The following ABLIM3 variants were observed in gnomAD, a reference collection of about 807,000 sequenced individuals.
ABLIM3 encodes the protein actin-binding LIM protein 3.
A neutral mutation model predicts 109.5 loss-of-function variants in ABLIM3; 61 were observed. The observed-to-expected ratio is 0.56, with a 90% confidence interval of 0.45 to 0.69. ABLIM3 has a LOEUF of 0.69. ABLIM3 is among the 30% of genes least tolerant of loss of function. The pLI is 0.00. For missense variants in ABLIM3, 796 were observed against 889.5 expected, an observed-to-expected ratio of 0.89 and a Z score of 1.34; for synonymous variants, 300 against 324.8, an observed-to-expected ratio of 0.92 and a Z score of 0.82.
chr5:149,234,914 T>C (rs1477798489), intron 10 of ABLIM3, among the ~76,000 whole-genome samples: 14 of 152,194 alleles, frequency 9.2e-5, no homozygotes, highest in Admixed American at 8.5e-4. Flanking sequence ...TTGTAAACCT[T>C]TGTGAAATAA....
chr5:149,202,340 G>A (rs1581118972), intron 5 of ABLIM3, among the ~76,000 whole-genome samples: 2 of 152,358 alleles, frequency 1.3e-5, no homozygotes, highest in Middle Eastern at 6.8e-3. Flanking sequence ...CACATGGACA[G>A]TTTCCAGTGG....
intron 8 of ABLIM3, among the ~76,000 whole-genome samples, chr5:149,229,842 A>C (rs1279092958): frequency 6.6e-6 from 1 of 152,216 alleles, no homozygotes; most frequent in Non-Finnish European, 1.5e-5. Context: ...GCCTTTCCAA[A>C]TTGGCCTTTC....
At position 149,259,018 on chromosome 5, in the gene ABLIM3, C is replaced by A. The variant is rs1045157640; in HGVS notation, c.*614C>A. 3 of 999,822 alleles carry A rather than the reference C, an allele frequency of 3.0e-6. No individual in the cohort carries two copies. The highest frequency in any genetic ancestry group is 2.1e-4 in the East Asian group (2 of 9,510). 61.9% of individuals were successfully genotyped at this position (999,822 alleles called of 1,614,324 possible). ...GGCCTCTCCTCAGCTCCTTAACCCT[C>A]CTCCTTCTGCCCTGGATTGTAACCT... On this transcript the variant is annotated 3_prime_UTR_variant, in exon 24 of 24. Transcript: ENST00000309868.
At chr5:149,185,159 G>A (rs76211759) in intron 3 of ABLIM3, among the ~76,000 whole-genome samples, 12 of 152,210 alleles carry the variant, frequency 7.9e-5, no homozygotes, top group Middle Eastern at 3.4e-3. Context: ...TAAACCAATC[G>A]TTTATTTAGT....
At position 149,214,853 on chromosome 5, in the gene ABLIM3, AT is replaced by A. The variant is rs570794340; in HGVS notation, c.670-2101del. Among the ~76,000 whole-genome samples, 3 of 152,182 alleles carry A rather than the reference AT, an allele frequency of 2.0e-5. No homozygotes were observed. The South Asian group carries it at 6.2e-4, about 32-fold the overall frequency. On this transcript the variant is annotated intron_variant, in intron 7 of 23. Coordinates refer to ENST00000309868, the MANE Select transcript of ABLIM3 (RefSeq NM_014945.5). ...CACAACCTGGTTTGCTTGTTGCTAC[AT>A]TTTTGAACCTGGTTTGCTGTTTTCG...
At chr5:149,251,213 G>T in intron 20 of ABLIM3, 146 bp from the exon 21 acceptor site, 1 of 770,504 alleles carries the variant, frequency 1.3e-6, no homozygotes, top group Non-Finnish European at 2.2e-6. Context: ...ATAGCAGCGA[G>T]TTAAGTTTCC....
intron 13 of ABLIM3, among the ~76,000 whole-genome samples, chr5:149,240,306 G>A (rs556033459): frequency 2.2e-4 from 34 of 152,326 alleles, no homozygotes; most frequent in African/African-American, 7.5e-4. Context: ...CAGGTTGGGG[G>A]TGATGCCAGC....
intron 2 of ABLIM3, among the ~76,000 whole-genome samples, chr5:149,146,961 T>C (rs1752988504): frequency 6.6e-6 from 1 of 152,194 alleles, no homozygotes; most frequent in Admixed American, 6.5e-5. Flanking sequence ...GAATGTTTTT[T>C]CATTTGTTTG....
At chr5:149,232,956 G>A (rs1761999909) in intron 9 of ABLIM3, among the ~76,000 whole-genome samples, 1 of 152,138 alleles carries the variant, frequency 6.6e-6, no homozygotes, top group Non-Finnish European at 1.5e-5. Flanking sequence ...AAAATGAAAA[G>A]TTTTATGAGT....
intron 3 of ABLIM3, among the ~76,000 whole-genome samples, chr5:149,186,035 A>G (rs911369878): frequency 5.9e-5 from 9 of 152,246 alleles, no homozygotes; most frequent in African/African-American, 2.2e-4. Context: ...TTCCCCTGAA[A>G]AAAATATTCT....
chr5:149,259,203 C>T lies in ABLIM3; in HGVS notation c.*799C>T. 9.0e-7 allele frequency: 1 copy of T among 1,116,388 alleles called. No homozygotes were observed. The highest frequency in any genetic ancestry group is 1.6e-5 in the African/African-American group (1 of 61,392). 69.2% of individuals were successfully genotyped at this position (1,116,388 alleles called of 1,614,324 possible). ...GATGGAGCAGGGCACCTGTTAGAAT[C>T]AGAGCTGCAGGATTTCTTGGGACCC... On this transcript the variant is annotated 3_prime_UTR_variant, in exon 24 of 24. Coordinates refer to ENST00000309868, the MANE Select transcript of ABLIM3 (RefSeq NM_014945.5).
chr5:149,245,062 C>T, intron 16 of ABLIM3, 47 bp downstream of exon 16: 1 of 1,612,508 alleles, frequency 6.2e-7, no homozygotes, highest in Non-Finnish European at 8.5e-7. Flanking sequence ...ACACCTGTGC[C>T]AAGGACACGG....
At chr5:149,236,482 C>G (rs1752205384) in intron 10 of ABLIM3, among the ~76,000 whole-genome samples, 1 of 152,020 alleles carries the variant, frequency 6.6e-6, no homozygotes, top group African/African-American at 2.4e-5. Flanking sequence ...TCATAGCAAA[C>G]ACCAGGTCAC....
At chr5:149,215,432 C>A (rs78744185) in intron 7 of ABLIM3, among the ~76,000 whole-genome samples, 1 of 151,700 alleles carries the variant, frequency 6.6e-6, no homozygotes, top group Admixed American at 6.6e-5. Flanking sequence ...TAAAAATCTG[C>A]CTTTCCCACA....
intron 2 of ABLIM3, among the ~76,000 whole-genome samples, chr5:149,173,827 A>C (rs542518959): frequency 8.5e-4 from 130 of 152,086 alleles, no homozygotes; most frequent in Non-Finnish European, 1.6e-3. Flanking sequence ...CGAGACCATC[A>C]TGGCTAACAC....
At chr5:149,184,744 G>A (rs925801400) in intron 3 of ABLIM3, among the ~76,000 whole-genome samples, 20 of 152,162 alleles carry the variant, frequency 1.3e-4, no homozygotes, top group South Asian at 2.1e-4. Context: ...GTTGAAACCC[G>A]CGGTTCTTTT....
intron 2 of ABLIM3, among the ~76,000 whole-genome samples, chr5:149,154,447 C>T (rs1753703628): frequency 6.6e-6 from 1 of 152,188 alleles, no homozygotes; most frequent in Non-Finnish European, 1.5e-5. Context: ...GGCAGCATTT[C>T]AGGAACTGAA....
chr5:149,239,905 A>T lies in ABLIM3; in HGVS notation c.1204+17A>T. 6.3e-7 allele frequency: 1 copy of T among 1,589,782 alleles called. No individual in the cohort carries two copies. Among genetic ancestry groups the T allele is most frequent in the Non-Finnish European group, 8.6e-7 (1 of 1,168,538 alleles). On this transcript the variant is annotated intron_variant, in intron 13 of 23. Coordinates refer to ENST00000309868, the MANE Select transcript of ABLIM3 (RefSeq NM_014945.5). ...ACCGCTCTGGTAAGGAAGGGGGAGG[A>T]CCTGAAGGGAGAGGAAGAGCCAGGG...
intron 20 of ABLIM3, among the ~76,000 whole-genome samples, chr5:149,250,840 G>T (rs945583421): frequency 2.6e-5 from 4 of 152,108 alleles, no homozygotes; most frequent in African/African-American, 9.7e-5. Flanking sequence ...ATGCAGAAAG[G>T]CACAGAGAAG....
Sources: gnomAD v4.1 joint callset for allele counts (sites outside exome capture counted in the v4.1 genomes callset) on GRCh38, gnomAD v4.1.1 for gene constraint, MANE v1.5 for transcripts, NCBI Gene and HGNC (gene_info 2026-07-23, HGNC 2026-07-21) for gene names.